The following PTPRD variants were observed in gnomAD, a reference collection of about 807,000 sequenced individuals.
PTPRD encodes the protein protein tyrosine phosphatase receptor type D, also known as receptor-type tyrosine-protein phosphatase delta.
In PTPRD, 34 loss-of-function variants were observed where a neutral mutation model predicts 214.5. The ratio of observed to expected loss-of-function variants is 0.16; its 90% CI spans 0.12 to 0.21. PTPRD has a LOEUF of 0.21. PTPRD is among the 10% of genes least tolerant of loss of function. PTPRD has a pLI of 1.00. For synonymous variants in PTPRD, 1,128 were observed against 845.7 expected (o/e 1.33, Z -5.79); for missense variants, 2,545 against 2,398.7 (o/e 1.06, Z -1.27).
intron 35 of PTPRD, among the ~76,000 whole-genome samples, chr9:8,412,859 C>T (rs1252782671): frequency 6.6e-6 from 1 of 152,118 alleles, no homozygotes; most frequent in East Asian, 1.9e-4. Flanking sequence ...CAAAAAAGAG[C>T]ACAGCTGCAT....
intron 44 of PTPRD, among the ~76,000 whole-genome samples, chr9:8,321,507 A>ATATATATATATG (rs1827933455): frequency 1.0e-5 from 1 of 100,018 alleles, no homozygotes; most frequent in African/African-American, 4.3e-5. Context: ...ATATATATAT[A>ATATATATATATG]TATATATATA....
intron 5 of PTPRD, among the ~76,000 whole-genome samples, chr9:9,907,885 T>C (rs2078054256): frequency 6.6e-6 from 1 of 151,994 alleles, no homozygotes; most frequent in Non-Finnish European, 1.5e-5. Flanking sequence ...ATTATAGAAT[T>C]ATAAATTACT....
At chr9:10,288,773 T>A (rs1056500247) in intron 3 of PTPRD, among the ~76,000 whole-genome samples, 2 of 151,918 alleles carry the variant, frequency 1.3e-5, no homozygotes, top group Admixed American at 6.6e-5. Context: ...AATATAGACA[T>A]GGCAAGAGCC....
At chr9:8,753,782 T>C (rs967881048) in intron 11 of PTPRD, among the ~76,000 whole-genome samples, 4 of 152,210 alleles carry the variant, frequency 2.6e-5, no homozygotes, top group African/African-American at 4.8e-5. Context: ...GAAAATTAGA[T>C]AGCATGATCA....
At chr9:9,247,079 G>A (rs772999936) in intron 9 of PTPRD, among the ~76,000 whole-genome samples, 2 of 151,948 alleles carry the variant, frequency 1.3e-5, no homozygotes, top group Non-Finnish European at 2.9e-5. Flanking sequence ...AAAGCAAACC[G>A]TAAAGTCTAA....
chr9:10,167,278 A>AATACAAGATTAAAGCTGGTG lies in PTPRD; in HGVS notation c.-544-133508_-544-133489dup, dbSNP rs1445255902. 1.4e-4 allele frequency among the ~76,000 whole-genome samples: 21 copies of AATACAAGATTAAAGCTGGTG among 152,252 alleles called. No homozygotes were observed. The East Asian group carries it at 3.7e-3, about 27-fold the overall frequency. On this transcript the variant is annotated intron_variant, in intron 3 of 45. Transcript: ENST00000381196. The stretch of plus-strand genomic sequence containing the variant: ...TCACCTATTTTTGAGCACTCATGGC[A>AATACAAGATTAAAGCTGGTG]ATACAAGATTAAAGCTGGTGCTGGA...
At chr9:9,817,293 T>C (rs1474328124) in intron 5 of PTPRD, among the ~76,000 whole-genome samples, 2 of 152,202 alleles carry the variant, frequency 1.3e-5, no homozygotes, top group Non-Finnish European at 2.9e-5. Flanking sequence ...TATGCCTCAA[T>C]GAACTCTGAT....
chr9:9,073,140 A>T (rs947488860), intron 10 of PTPRD, among the ~76,000 whole-genome samples: 1 of 152,194 alleles, frequency 6.6e-6, no homozygotes, highest in African/African-American at 2.4e-5. Flanking sequence ...TAGTAATAAC[A>T]TGGTTGAGGT....
chr9:9,218,192 A>G (rs2099953527), intron 9 of PTPRD, among the ~76,000 whole-genome samples: 2 of 152,106 alleles, frequency 1.3e-5, no homozygotes, highest in African/African-American at 4.8e-5. Flanking sequence ...GCTATCCTCA[A>G]TATTCTCCTC....
chr9:9,286,561 T>C (rs936951079), intron 9 of PTPRD, among the ~76,000 whole-genome samples: 27 of 151,678 alleles, frequency 1.8e-4, no homozygotes, highest in African/African-American at 2.9e-4. Context: ...CTAATTACTT[T>C]TTCCCTTAAA....
At position 9,844,473 on chromosome 9, in the gene PTPRD, A is replaced by G. The variant is rs529820669; in HGVS notation, c.-367-77622T>C. Among the ~76,000 whole-genome samples the G allele has an allele frequency of 1.8e-4, 27 of 152,066 alleles. No homozygotes were observed. The East Asian group carries it at 5.0e-3, about 28-fold the overall frequency. On this transcript the variant is annotated intron_variant, in intron 5 of 45. Transcript: ENST00000381196. ...GTAAATGAGATCTTGATCAAAGGGA[A>G]CAATTGATTTTTATCTTTATAATCC... is the stretch of plus-strand genomic sequence containing the variant.
chr9:10,571,178 G>T (rs1291708338), intron 2 of PTPRD, among the ~76,000 whole-genome samples: 2 of 152,010 alleles, frequency 1.3e-5, no homozygotes, highest in East Asian at 3.9e-4. Context: ...ATTATTGACT[G>T]CAGTTTTTAA....
At chr9:8,961,654 C>G (rs2099159445) in intron 11 of PTPRD, among the ~76,000 whole-genome samples, 1 of 152,114 alleles carries the variant, frequency 6.6e-6, no homozygotes, top group Non-Finnish European at 1.5e-5. Flanking sequence ...CATAGCTGAA[C>G]AGAAGGTTTT....
At chr9:9,772,389 A>C (rs188721758) in intron 5 of PTPRD, among the ~76,000 whole-genome samples, 1 of 152,338 alleles carries the variant, frequency 6.6e-6, no homozygotes. Flanking sequence ...AAACTAATAC[A>C]ACTGATAATT....
At chr9:10,033,384 C>T (rs1325337810) in intron 4 of PTPRD, among the ~76,000 whole-genome samples, 1 of 151,660 alleles carries the variant, frequency 6.6e-6, no homozygotes, top group Non-Finnish European at 1.5e-5. Flanking sequence ...CCTCACTCAG[C>T]TATTGCTTGT....
chr9:10,133,942 C>G (rs1371989753), intron 3 of PTPRD, among the ~76,000 whole-genome samples: 6 of 152,002 alleles, frequency 3.9e-5, no homozygotes, highest in African/African-American at 1.2e-4. Context: ...AGGGGTGTTG[C>G]TATATTACAT....
intron 3 of PTPRD, among the ~76,000 whole-genome samples, chr9:10,206,234 G>A (rs1039390446): frequency 3.3e-5 from 5 of 152,108 alleles, no homozygotes; most frequent in African/African-American, 1.2e-4. Flanking sequence ...AACTCAAAGA[G>A]GCTTAGTTTT....
intron 2 of PTPRD, among the ~76,000 whole-genome samples, chr9:10,369,776 T>C (rs1278445800): frequency 6.6e-6 from 1 of 152,018 alleles, no homozygotes; most frequent in Non-Finnish European, 1.5e-5. Flanking sequence ...TCCAAAAGAA[T>C]AGCATTAAGT....
rs556891127 is a variant in PTPRD at position 9,636,458 on chromosome 9, A to C, written c.-286-61677T>G. On this transcript the variant is annotated intron_variant, in intron 7 of 45. Transcript: ENST00000381196. ...ATGACAGATTCAAACATATAGATAT[A>C]GATGTAGATACAGTTATATAGATAT... 1.1e-4 allele frequency among the ~76,000 whole-genome samples: 16 copies of C among 152,288 alleles called. No individual in the cohort carries two copies. In the East Asian group the frequency reaches 2.9e-3, roughly 28 times the overall value.
Sources: gnomAD v4.1 joint callset for allele counts (sites outside exome capture counted in the v4.1 genomes callset) on GRCh38, gnomAD v4.1.1 for gene constraint, MANE v1.5 for transcripts, NCBI Gene and HGNC (gene_info 2026-07-23, HGNC 2026-07-21) for gene names.